The following ABR variants were observed in gnomAD, a reference collection of about 807,000 sequenced individuals.
The protein encoded by ABR is active breakpoint cluster region-related protein.
Under a neutral mutation model 107.2 loss-of-function variants are expected in ABR, and 35 were observed. The observed-to-expected ratio is 0.33, with a 90% CI of 0.25 to 0.43. ABR has a LOEUF of 0.43. ABR is among the 20% of genes least tolerant of loss of function. The probability of loss-of-function intolerance (pLI) is 1.00; values close to 1 mark genes in which losing one functional copy is unlikely to be tolerated. For synonymous variants in ABR, 498 were observed against 462.0 expected (o/e 1.08, Z -1.00); for missense variants, 815 against 1,115.2 (o/e 0.73, Z 3.83).
chr17:1,013,385 G>A (rs1000275418), intron 16 of ABR, among the ~76,000 whole-genome samples: 38 of 150,934 alleles, frequency 2.5e-4, no homozygotes, highest in African/African-American at 6.1e-4. Flanking sequence ...CCTGTTACCC[G>A]CCGTGGGGGA....
chr17:1,142,488 G>A (rs1160444414), intron 1 of ABR, among the ~76,000 whole-genome samples: 1 of 152,052 alleles, frequency 6.6e-6, no homozygotes, highest in Non-Finnish European at 1.5e-5. Flanking sequence ...GGGGGGCTGA[G>A]GCAGGAGAAT....
intron 16 of ABR, among the ~76,000 whole-genome samples, chr17:1,029,309 G>A (rs75330352): frequency 3.3e-5 from 2 of 60,870 alleles, no homozygotes; most frequent in African/African-American, 4.3e-5. Context: ...CCAACCACAG[G>A]GACCCCCGCT....
chr17:1,216,415 A>G (rs2043011222), intron 1 of ABR, among the ~76,000 whole-genome samples: 2 of 152,178 alleles, frequency 1.3e-5, no homozygotes, highest in South Asian at 2.1e-4. Flanking sequence ...TGTTCCCTGC[A>G]CTAGACTCAC....
intron 2 of ABR, among the ~76,000 whole-genome samples, chr17:1,101,554 G>A (rs983127536): frequency 6.6e-5 from 10 of 152,028 alleles, no homozygotes; most frequent in African/African-American, 2.2e-4. Flanking sequence ...GCCAAGGACC[G>A]AGTATGAATA....
chr17:1,031,896 G>GCGCTCCCCTCCCTCCCTCCCTCCC (rs2072828778), intron 16 of ABR: 2 of 500,068 alleles, frequency 4.0e-6, no homozygotes, highest in Non-Finnish European at 2.5e-6. Flanking sequence ...CCCTCCCTCC[G>GCGCTCCCCTCCCTCCCTCCCTCCC]TCCGCGTCCC....
At chr17:1,205,028 C>T (rs529138832) in intron 1 of ABR, among the ~76,000 whole-genome samples, 31 of 151,300 alleles carry the variant, frequency 2.0e-4, no homozygotes, top group Admixed American at 1.1e-3. Context: ...CTCAGCCTCC[C>T]AAGTAGCTGG....
intron 1 of ABR, among the ~76,000 whole-genome samples, chr17:1,145,624 A>T (rs531185071): frequency 1.8e-4 from 27 of 152,360 alleles, no homozygotes; most frequent in African/African-American, 6.5e-4. Context: ...ATGAAAAATT[A>T]AATGACAATC....
intron 1 of ABR, among the ~76,000 whole-genome samples, chr17:1,212,616 A>G (rs1017646174): frequency 2.0e-5 from 3 of 152,058 alleles, no homozygotes; most frequent in Non-Finnish European, 2.9e-5. Flanking sequence ...TTGGCCGGGC[A>G]TGGTGGCTCA....
In ABR at chr17:1,010,178, G is replaced by A. The variant is rs773912410; in HGVS notation, c.2237-394C>T. The A allele has an allele frequency of 7.8e-6, 2 of 257,868 alleles. No individual in the cohort carries two copies. The highest frequency in any genetic ancestry group is 1.5e-5 in the Non-Finnish European group (2 of 131,642). The allele number at this position is 257,868 out of a possible 1,614,324, so 16.0% of individuals were successfully genotyped here. A position where few individuals can be genotyped will look rare whatever the true frequency, so the allele number is the denominator to read the frequency against. On this transcript the variant is annotated intron_variant, in intron 20 of 22. Coordinates refer to ENST00000302538, the MANE Select transcript of ABR (RefSeq NM_021962.5). This position sits in a 1 kb window ranked among gnomAD's most constrained non-coding sequence, Gnocchi z 4.1. ...CCCCTTCTGCTGCTGGAGCGTGGGT[G>A]CAAGCAGCCTTCCGTGGGGGCTGAA...
chr17:1,100,596 G>A (rs2037796864), intron 3 of ABR, 41 bp downstream of exon 3: 2 of 1,583,024 alleles, frequency 1.3e-6, no homozygotes, highest in Non-Finnish European at 1.7e-6. Context: ...CCCAACACGG[G>A]CGGGGGGACC....
chr17:1,046,020 G>A (rs62069674), intron 16 of ABR, among the ~76,000 whole-genome samples: 63,116 of 152,026 alleles, frequency 0.42, 14,423 homozygotes, highest in Admixed American at 0.55. Context: ...ACAGGTGCCC[G>A]CCATCACGCC....
Position 1,050,583 on chromosome 17 carries a change from G to A in ABR, c.1613C>T (p.Ala538Val). The A allele has an allele frequency of 6.2e-7, 1 of 1,614,028 alleles. No homozygotes were observed. Among genetic ancestry groups the A allele is most frequent in the Non-Finnish European group, 8.5e-7 (1 of 1,180,000 alleles). The change falls in exon 15 of 23, where the codon GCC (alanine) becomes GTC (valine). Residue 538 changes from alanine to valine, a missense_variant. Physicochemically the swap from Ala to Val is moderately conservative, Grantham distance 64. Coordinates refer to ENST00000302538, the MANE Select transcript of ABR (RefSeq NM_021962.5). This position sits in a 1 kb window ranked among gnomAD's most constrained non-coding sequence, Gnocchi z 4.6. ...VDSFGYFVSKAKTRVFRDTAE... is the reference protein window; with the variant it reads ...VDSFGYFVSKVKTRVFRDTAE... ...TGTGTCCCGGAACACCCTGGTTTTGGCTTTGCTGACAAAATAGCCGAAGGA... is the reference window on the plus strand; with the variant it reads ...TGTGTCCCGGAACACCCTGGTTTTGACTTTGCTGACAAAATAGCCGAAGGA...
At chr17:1,184,303 A>C (rs1224438197), upstream of ABR, among the ~76,000 whole-genome samples, 3 of 151,856 alleles carry the variant, frequency 2.0e-5, no homozygotes, top group Admixed American at 6.6e-5. Context: ...AATATACAAA[A>C]CATTAGCTGG....
chr17:1,056,984 G>C lies in ABR; in HGVS notation c.1486+14C>G, dbSNP rs1317876722. ...GGACCTGCCGGTTGGGCCACCTCTGGTTCCCGAGCTTACCGTCTTTATTGC... is the reference window on the plus strand; with the variant it reads ...GGACCTGCCGGTTGGGCCACCTCTGCTTCCCGAGCTTACCGTCTTTATTGC... On this transcript the variant is annotated intron_variant, in intron 13 of 22. Transcript: ENST00000302538. 6.9e-6 allele frequency: 11 copies of C among 1,592,058 alleles called. No homozygotes were observed. Among genetic ancestry groups the C allele is most frequent in the Non-Finnish European group, 9.5e-6 (11 of 1,161,562 alleles).
At chr17:1,058,136 C>CTTTTTTTTT (rs71148422) in intron 11 of ABR, 91 bp from the exon 12 acceptor site, 24 of 318,866 alleles carry the variant, frequency 7.5e-5, no homozygotes, top group African/African-American at 1.7e-4. Context: ...CTCCTTTTAT[C>CTTTTTTTTT]TTTTTTTTTT....
At chr17:1,110,944 C>A (rs1044958238) in intron 2 of ABR, among the ~76,000 whole-genome samples, 1 of 152,068 alleles carries the variant, frequency 6.6e-6, no homozygotes, top group African/African-American at 2.4e-5. Flanking sequence ...TCATTTGGTG[C>A]GGGCGGGTGA....
intron 2 of ABR, among the ~76,000 whole-genome samples, chr17:1,110,400 G>A (rs2038601975): frequency 1.3e-5 from 2 of 152,132 alleles, no homozygotes; most frequent in Non-Finnish European, 2.9e-5. Flanking sequence ...GAGCCAGGTA[G>A]GGCAGGGTGA....
chr17:1,192,197 G>A (rs1015711784), upstream of ABR, among the ~76,000 whole-genome samples: 23 of 152,092 alleles, frequency 1.5e-4, no homozygotes, highest in Admixed American at 5.2e-4. Flanking sequence ...GGCTGGTCTC[G>A]AACTCGTAGG....
At chr17:1,013,411 G>C (rs2070823191) in intron 16 of ABR, among the ~76,000 whole-genome samples, 1 of 151,852 alleles carries the variant, frequency 6.6e-6, no homozygotes, top group African/African-American at 2.4e-5. Flanking sequence ...GGCACACCCT[G>C]TTACCCGCCG....
Sources: allele counts gnomAD v4.1 joint callset (sites outside exome capture counted in the v4.1 genomes callset), GRCh38; gene constraint gnomAD v4.1.1; non-coding constraint Gnocchi (gnomAD v3.1); transcripts MANE v1.5; gene names NCBI Gene and HGNC (gene_info 2026-07-23, HGNC 2026-07-21).